Variants in ADCYAP1R1 observed in about 807,000 individuals in gnomAD.
ADCYAP1R1 encodes the protein ADCYAP receptor type I, also known as pituitary adenylate cyclase-activating polypeptide type I receptor.
A neutral mutation model predicts 67.6 loss-of-function variants in ADCYAP1R1; 44 were observed. That is an observed-to-expected ratio of 0.65 (90% CI 0.51 to 0.84). The LOEUF (loss-of-function observed/expected upper bound fraction) is 0.84. Among genes scored for constraint, ADCYAP1R1 ranks in the 40% least tolerant of loss-of-function variants. The pLI is 0.00. For missense variants in ADCYAP1R1, 477 were observed against 587.9 expected (o/e 0.81, Z 1.95); for synonymous variants, 222 against 219.6 (o/e 1.01, Z -0.10).
chr7:31,057,382 G>C (rs2128612773), intron 1 of ADCYAP1R1, among the ~76,000 whole-genome samples: 1 of 152,362 alleles, frequency 6.6e-6, no homozygotes, highest in South Asian at 2.1e-4. Context: ...ATGACCTTGG[G>C]GAAGTTTCCT....
At chr7:31,078,231 G>A in intron 4 of ADCYAP1R1, 133 bp downstream of exon 4, 1 of 644,958 alleles carries the variant, frequency 1.6e-6, no homozygotes, top group Non-Finnish European at 2.6e-6. Context: ...CATGTGGTGT[G>A]GGGGATGAAA....
chr7:31,065,258 G>A (rs1190663999), intron 3 of ADCYAP1R1, among the ~76,000 whole-genome samples: 1 of 152,232 alleles, frequency 6.6e-6, no homozygotes, highest in Non-Finnish European at 1.5e-5. Flanking sequence ...CATGGGCCTG[G>A]TGGCAGCAGG....
intron 3 of ADCYAP1R1, among the ~76,000 whole-genome samples, chr7:31,072,159 C>G (rs138995744): frequency 6.0e-4 from 92 of 152,262 alleles, no homozygotes; most frequent in African/African-American, 2.0e-3. Flanking sequence ...AAACTTAGCA[C>G]AGTAACATTT....
At chr7:31,096,983 C>A (rs1005199358) in intron 13 of ADCYAP1R1, among the ~76,000 whole-genome samples, 1 of 152,234 alleles carries the variant, frequency 6.6e-6, no homozygotes, top group African/African-American at 2.4e-5. Flanking sequence ...GTAGCCCAAC[C>A]AACCCTGCAC....
At chr7:31,075,067 G>A (rs918284652) in intron 3 of ADCYAP1R1, among the ~76,000 whole-genome samples, 6 of 152,118 alleles carry the variant, frequency 3.9e-5, no homozygotes, top group African/African-American at 9.7e-5. Context: ...AGCTCATGGC[G>A]CCTGCTCCAG....
At chr7:31,076,520 C>A (rs909989895) in intron 3 of ADCYAP1R1, among the ~76,000 whole-genome samples, 1 of 152,184 alleles carries the variant, frequency 6.6e-6, no homozygotes, top group African/African-American at 2.4e-5. Flanking sequence ...TCCAATGAGG[C>A]ACCAAATCTT....
intron 12 of ADCYAP1R1, among the ~76,000 whole-genome samples, chr7:31,089,529 A>G (rs1205061945): frequency 6.6e-6 from 1 of 151,082 alleles, no homozygotes; most frequent in Admixed American, 6.6e-5. Context: ...TATTTATAGT[A>G]TTCCACTTTT....
intron 3 of ADCYAP1R1, among the ~76,000 whole-genome samples, chr7:31,076,828 G>T (rs867701141): frequency 5.3e-4 from 81 of 152,126 alleles, no homozygotes; most frequent in African/African-American, 1.8e-3. Flanking sequence ...CTGCTGAGGG[G>T]GTGGATCTGA....
At chr7:31,093,640 C>T (rs1044900374) in intron 13 of ADCYAP1R1, among the ~76,000 whole-genome samples, 1 of 152,130 alleles carries the variant, frequency 6.6e-6, no homozygotes, top group Non-Finnish European at 1.5e-5. Context: ...GTTCTGAGGG[C>T]AGTCCTTGGG....
At chr7:31,076,354 G>A (rs1448245328) in intron 3 of ADCYAP1R1, among the ~76,000 whole-genome samples, 2 of 152,206 alleles carry the variant, frequency 1.3e-5, no homozygotes, top group Admixed American at 6.5e-5. Flanking sequence ...CAGGGATGGA[G>A]CAGGAAGAGG....
intron 1 of ADCYAP1R1, among the ~76,000 whole-genome samples, chr7:31,053,010 A>G (rs1794084034): frequency 6.6e-6 from 1 of 152,196 alleles, no homozygotes; most frequent in African/African-American, 2.4e-5. Context: ...GATGCGGAGA[A>G]GGGAGACCAG....
chr7:31,089,638 A>G (rs1431438149), intron 12 of ADCYAP1R1, among the ~76,000 whole-genome samples: 1 of 152,124 alleles, frequency 6.6e-6, no homozygotes, highest in East Asian at 1.9e-4. Context: ...AATTTCTGGG[A>G]CGAAGGGTAT....
chr7:31,071,962 TC>T (rs1484348308), intron 3 of ADCYAP1R1, among the ~76,000 whole-genome samples: 1 of 93,736 alleles, frequency 1.1e-5, no homozygotes, highest in African/African-American at 4.7e-5. Context: ...AAATGATCCA[TC>T]CATCCATCCA....
chr7:31,057,004 T>C (rs1025543165), intron 1 of ADCYAP1R1: 1 of 152,286 alleles, frequency 6.6e-6, no homozygotes, highest in Non-Finnish European at 1.5e-5. Context: ...AGAGCTGGGC[T>C]CATGCTCACT....
intron 13 of ADCYAP1R1, among the ~76,000 whole-genome samples, chr7:31,098,925 G>A (rs1445760021): frequency 4.6e-5 from 7 of 152,186 alleles, no homozygotes; most frequent in African/African-American, 1.4e-4. Context: ...GACCAGCACC[G>A]GGAGACTCAG....
intron 13 of ADCYAP1R1, among the ~76,000 whole-genome samples, chr7:31,098,703 CGGGG>C (rs56397954): frequency 0.58 from 34,386 of 59,722 alleles, 8,996 homozygotes; most frequent in East Asian, 0.73. Flanking sequence ...TGCAGCGGGG[CGGGG>C]GGGGGGGGGG....
chr7:31,086,615 C>T lies in ADCYAP1R1; in HGVS notation c.823+78C>T, dbSNP rs1416005572. On this transcript the variant is annotated intron_variant, in intron 10 of 15. Transcript: ENST00000304166. This position sits in a 1 kb window ranked among gnomAD's most constrained non-coding sequence, Gnocchi z 5.0. ...CCAGGTGTGTCTTTGGTTCCATCTT[C>T]AGGAAGTGTCAGGTGAGGAGGGGCC... is the stretch of plus-strand genomic sequence containing the variant. 3.3e-5 allele frequency: 51 copies of T among 1,547,624 alleles called. No homozygotes were observed. Among genetic ancestry groups the T allele is most frequent in the Non-Finnish European group, 4.3e-5 (49 of 1,132,636 alleles).
intron 14 of ADCYAP1R1, 21 bp from the exon 15 acceptor site, chr7:31,104,847 G>A: frequency 1.2e-6 from 2 of 1,613,976 alleles, no homozygotes; most frequent in Non-Finnish European, 1.7e-6. Flanking sequence ...GCATCCTCAG[G>A]CTTATTTTCT....
At chr7:31,062,122 T>C (rs1016788584) in intron 1 of ADCYAP1R1, among the ~76,000 whole-genome samples, 12 of 152,244 alleles carry the variant, frequency 7.9e-5, no homozygotes, top group Admixed American at 2.0e-4. Context: ...TGCATATGCT[T>C]CTTTTTGTCC....
Sources: gnomAD v4.1 joint callset for allele counts (sites outside exome capture counted in the v4.1 genomes callset) on GRCh38, gnomAD v4.1.1 for gene constraint, Gnocchi (gnomAD v3.1) non-coding constraint, MANE v1.5 for transcripts, NCBI Gene and HGNC (gene_info 2026-07-23, HGNC 2026-07-21) for gene names.